The following THSD4 variants were observed in gnomAD, a reference collection of about 807,000 sequenced individuals.
THSD4 encodes the protein thrombospondin type 1 domain containing 4.
Under a neutral mutation model 119.0 loss-of-function variants are expected in THSD4, and 69 were observed. That is an observed-to-expected ratio of 0.58 (90% CI 0.48 to 0.71). The LOEUF (loss-of-function observed/expected upper bound fraction) is 0.71. Among genes scored for constraint, THSD4 ranks in the 30% least tolerant of loss-of-function variants. The probability of loss-of-function intolerance (pLI) is 0.00; values close to 1 mark genes in which losing one functional copy is unlikely to be tolerated. For synonymous variants in THSD4, 524 were observed against 540.4 expected (o/e 0.97, Z 0.42); for missense variants, 1,393 against 1,391.1 (o/e 1.00, Z -0.02).
intron 7 of THSD4, among the ~76,000 whole-genome samples, chr15:71,576,143 G>C (rs937408883): frequency 7.2e-5 from 11 of 151,846 alleles, no homozygotes; most frequent in Middle Eastern, 3.2e-3. Context: ...ACAATAAAAA[G>C]TGGACAAATC....
At chr15:71,730,338 T>C (rs183415434) in intron 9 of THSD4, 2 of 152,278 alleles carry the variant, frequency 1.3e-5, no homozygotes, top group East Asian at 3.9e-4. Context: ...TGCTGCTGGG[T>C]TTAGCCCACC....
chr15:71,215,376 C>T lies in THSD4; in HGVS notation c.441C>T (p.Gly147=), dbSNP rs1452258703. The T allele has an allele frequency of 6.5e-7, 1 of 1,531,568 alleles. No homozygotes were observed. The highest frequency in any genetic ancestry group is 8.7e-7 in the Non-Finnish European group (1 of 1,144,924). 94.9% of individuals were successfully genotyped at this position (1,531,568 alleles called of 1,614,324 possible). ...LRGSRHPQPQ[G]LEVTGDRRSR... ...GCAGCCGGCACCCACAGCCCCAGGGCCTCGAAGTCACTGGGGACAGAAGGT... is the reference window on the plus strand; with the variant it reads ...GCAGCCGGCACCCACAGCCCCAGGGTCTCGAAGTCACTGGGGACAGAAGGT... Residue 147 remains glycine, a synonymous_variant, in exon 4 of 18, where the codon GGC becomes GGT. Transcript: ENST00000261862.
chr15:71,672,416 A>G (rs917147980), intron 8 of THSD4, among the ~76,000 whole-genome samples: 6 of 152,192 alleles, frequency 3.9e-5, no homozygotes, highest in African/African-American at 9.6e-5. Context: ...TAAATATGCA[A>G]TCATGTCATC....
chr15:71,535,582 A>C (rs1046456635), intron 7 of THSD4, among the ~76,000 whole-genome samples: 2 of 152,172 alleles, frequency 1.3e-5, no homozygotes, highest in Admixed American at 1.3e-4. Flanking sequence ...TTACCTGACC[A>C]CTAGTAGTAT....
At chr15:71,234,669 G>A (rs533275173) in intron 4 of THSD4, among the ~76,000 whole-genome samples, 1 of 152,336 alleles carries the variant, frequency 6.6e-6, no homozygotes, top group East Asian at 1.9e-4. Context: ...ATAGTCTGTA[G>A]TGTAAGCTCT....
At chr15:71,730,005 T>C (rs2052943055) in intron 9 of THSD4, 1 of 152,240 alleles carries the variant, frequency 6.6e-6, no homozygotes, top group South Asian at 2.1e-4. Context: ...TCTGCCTTCC[T>C]TTGGGTAATT....
intron 7 of THSD4, among the ~76,000 whole-genome samples, chr15:71,571,342 A>G (rs558720279): frequency 6.6e-6 from 1 of 152,082 alleles, no homozygotes; most frequent in South Asian, 2.1e-4. Context: ...CTCGTTTCCT[A>G]TGCCTAGATA....
chr15:71,225,427 C>T (rs991826841), intron 4 of THSD4, among the ~76,000 whole-genome samples: 1 of 151,856 alleles, frequency 6.6e-6, no homozygotes, highest in Admixed American at 6.6e-5. Context: ...TTTATTGATG[C>T]ATTATTGAGA....
At chr15:71,200,844 G>A (rs1891738449) in intron 3 of THSD4, among the ~76,000 whole-genome samples, 1 of 152,210 alleles carries the variant, frequency 6.6e-6, no homozygotes, top group Non-Finnish European at 1.5e-5. Context: ...CAACAGATGT[G>A]TGAGATGCCA....
At chr15:71,424,754 C>G (rs1043406363) in intron 7 of THSD4, among the ~76,000 whole-genome samples, 1 of 152,174 alleles carries the variant, frequency 6.6e-6, no homozygotes, top group African/African-American at 2.4e-5. Flanking sequence ...TTTACTTGAT[C>G]TCAGCTTTAA....
In THSD4 at chr15:71,682,946, A is replaced by G. The variant is rs113882336; in HGVS notation, c.1357+22212A>G. 3.8e-3 allele frequency among the ~76,000 whole-genome samples: 396 copies of G among 103,846 alleles called. 21 individuals are homozygous for G. The highest frequency in any genetic ancestry group is 0.016 in the African/African-American group (381 of 23,186). The allele number at this position is 103,846 out of a possible 152,430, so 68.1% of individuals were successfully genotyped here. On this transcript the variant is annotated intron_variant, in intron 8 of 17. Transcript: ENST00000261862. Reference sequence around the variant, plus strand: ...TTTTTTTTTTTTTTTTTTTGAGTCGAGGTCTCACTCTTTGCCCAGTCTGGA... The same window carrying G: ...TTTTTTTTTTTTTTTTTTTGAGTCGGGGTCTCACTCTTTGCCCAGTCTGGA...
chr15:71,758,094 G>C lies in THSD4; in HGVS notation c.2589+19G>C, dbSNP rs1382008044. The C allele has an allele frequency of 6.5e-7, 1 of 1,546,826 alleles. No individual in the cohort carries two copies. The highest frequency in any genetic ancestry group is 2.4e-5 in the East Asian group (1 of 41,058). On this transcript the variant is annotated intron_variant, in intron 15 of 17. Transcript: ENST00000261862. ...GAGTCAGGTGAGTGGCCAGAACTGG[G>C]TATGTCTGCCTGTGTCAGGCAAAAG...
At chr15:71,143,869 C>T (rs2040631104) in intron 2 of THSD4, among the ~76,000 whole-genome samples, 1 of 151,874 alleles carries the variant, frequency 6.6e-6, no homozygotes, top group African/African-American at 2.4e-5. Context: ...AATTAATGCC[C>T]CTGCAAACAG....
chr15:71,705,012 G>A (rs541127740), intron 8 of THSD4, among the ~76,000 whole-genome samples: 2 of 152,362 alleles, frequency 1.3e-5, no homozygotes, highest in Non-Finnish European at 2.9e-5. Context: ...CAAGGGTGGA[G>A]GAGGTGTAGA....
intron 8 of THSD4, among the ~76,000 whole-genome samples, chr15:71,693,723 A>G (rs2052102630): frequency 2.0e-5 from 3 of 152,232 alleles, no homozygotes; most frequent in African/African-American, 7.2e-5. Context: ...GGTTTCCCCT[A>G]TGCTGTTCTC....
chr15:71,219,300 G>A (rs1054726934), intron 4 of THSD4, among the ~76,000 whole-genome samples: 1 of 152,168 alleles, frequency 6.6e-6, no homozygotes, highest in African/African-American at 2.4e-5. Flanking sequence ...TTCCAATCCA[G>A]CCAAGTTTGG....
chr15:71,157,608 C>T (rs2040791481), intron 3 of THSD4, among the ~76,000 whole-genome samples: 1 of 151,660 alleles, frequency 6.6e-6, no homozygotes, highest in South Asian at 2.1e-4. Flanking sequence ...GCCCACTCTC[C>T]CCTCTTTTCT....
At chr15:71,627,357 G>T (rs1470485205) in intron 7 of THSD4, among the ~76,000 whole-genome samples, 1 of 152,186 alleles carries the variant, frequency 6.6e-6, no homozygotes, top group Non-Finnish European at 1.5e-5. Context: ...CATGGCATTG[G>T]CTTTTGATCA....
intron 3 of THSD4, among the ~76,000 whole-genome samples, chr15:71,171,891 A>G (rs543010290): frequency 2.6e-5 from 4 of 152,330 alleles, no homozygotes; most frequent in Middle Eastern, 3.4e-3. Flanking sequence ...TGATATTATA[A>G]GGTTCTTTTT....
Sources: allele counts gnomAD v4.1 joint callset (sites outside exome capture counted in the v4.1 genomes callset), GRCh38; gene constraint gnomAD v4.1.1; transcripts MANE v1.5; gene names NCBI Gene and HGNC (gene_info 2026-07-23, HGNC 2026-07-21).